The following IL7 variants were observed in gnomAD, a reference collection of about 807,000 sequenced individuals.
The protein encoded by IL7 is interleukin-7.
In IL7, 3 loss-of-function variants were observed where a neutral mutation model predicts 21.6. That is an observed-to-expected ratio of 0.14 (90% confidence interval 0.06 to 0.36). The LOEUF (loss-of-function observed/expected upper bound fraction) is 0.36. Among genes scored for constraint, IL7 ranks in the 10% least tolerant of loss-of-function variants. The pLI, the probability that IL7 is intolerant of heterozygous loss-of-function variation, is 1.00. For missense variants in IL7, 175 were observed against 200.2 expected, an observed-to-expected ratio of 0.87 and a Z score of 0.76; for synonymous variants, 62 against 68.1, an observed-to-expected ratio of 0.91 and a Z score of 0.44.
chr8:78,759,216 C>CTTT (rs3071074), intron 2 of IL7, among the ~76,000 whole-genome samples: 15,239 of 131,692 alleles, frequency 0.12, 881 homozygotes, highest in East Asian at 0.23. Context: ...CTGCTGGGTT[C>CTTT]TTTTTTTTTT....
chr8:78,734,191 A>G (rs938832239), intron 5 of IL7, among the ~76,000 whole-genome samples: 1 of 152,204 alleles, frequency 6.6e-6, no homozygotes, highest in Admixed American at 6.5e-5. Flanking sequence ...TAGTGGGAAG[A>G]ATAATCAACA....
intron 2 of IL7, among the ~76,000 whole-genome samples, chr8:78,769,310 T>A (rs1391905284): frequency 6.7e-6 from 1 of 149,566 alleles, no homozygotes; most frequent in Admixed American, 6.8e-5. Flanking sequence ...AAAATCTCCT[T>A]AAGCTGATAG....
intron 2 of IL7, among the ~76,000 whole-genome samples, chr8:78,781,529 G>C (rs117520109): frequency 0.044 from 6,708 of 152,222 alleles, 211 homozygotes; most frequent in Middle Eastern, 0.082. Flanking sequence ...TCTTTTAAGA[G>C]TGTTGAATAT....
intron 1 of IL7, among the ~76,000 whole-genome samples, chr8:78,799,038 G>A (rs1813962402): frequency 6.6e-6 from 1 of 152,112 alleles, no homozygotes; most frequent in African/African-American, 2.4e-5. Context: ...TGGAAAGCCA[G>A]TGGTTCCCAC....
chr8:78,697,445 A>G lies in IL7; in HGVS notation n.215-11498T>C, dbSNP rs1810461382. ...CACTTAAAAAGTCAAATTCTCCTGG[A>G]ACTGCATCATCAGGATCTTCACGAT... On this transcript the variant is annotated intron_variant and non_coding_transcript_variant, in intron 3 of 4. Coordinates refer to the IL7 transcript ENST00000523959. The G allele has an allele frequency of 6.2e-6, 10 of 1,609,606 alleles. No individual in the cohort carries two copies. In the East Asian group the frequency reaches 6.7e-5, roughly 11 times the overall value.
intron 2 of IL7, among the ~76,000 whole-genome samples, chr8:78,764,809 T>C (rs908946723): frequency 3.9e-5 from 6 of 152,100 alleles, no homozygotes; most frequent in African/African-American, 1.4e-4. Flanking sequence ...GGAAGTTATT[T>C]TGTAGAAATT....
chr8:78,785,501 A>T (rs1429006190), intron 2 of IL7, among the ~76,000 whole-genome samples: 1 of 152,090 alleles, frequency 6.6e-6, no homozygotes, highest in Non-Finnish European at 1.5e-5. Flanking sequence ...TTGGATTTCA[A>T]TGTATTTCCT....
intron 3 of IL7, among the ~76,000 whole-genome samples, chr8:78,687,530 ATATATTTATATAATAAATTT>A (rs1810033998): frequency 7.0e-6 from 1 of 142,754 alleles, no homozygotes; most frequent in African/African-American, 2.6e-5. Context: ...ATAATAAATT[ATATATTTATATAATAAATTT>A]TATATTTACA....
At chr8:78,728,646 A>C (rs1164232569), downstream of IL7, among the ~76,000 whole-genome samples, 1 of 152,030 alleles carries the variant, frequency 6.6e-6, no homozygotes, top group Non-Finnish European at 1.5e-5. Flanking sequence ...ACATAAAACT[A>C]TACAACTTCT....
At chr8:78,692,491 AGACAT>A (rs760735821) in intron 3 of IL7, among the ~76,000 whole-genome samples, 8 of 152,214 alleles carry the variant, frequency 5.3e-5, no homozygotes, top group Non-Finnish European at 8.8e-5. Flanking sequence ...GTTGAAAACT[AGACAT>A]GACATGGTAG....
At chr8:78,804,765 C>T (rs771532045) in intron 1 of IL7, 148 bp downstream of exon 1, 78 of 844,422 alleles carry the variant, frequency 9.2e-5, no homozygotes, top group Non-Finnish European at 1.2e-4. Context: ...TGTTGGCTGC[C>T]CATGGGAGAG....
At chr8:78,706,902 A>G in intron 3 of IL7, among the ~76,000 whole-genome samples, 1 of 152,188 alleles carries the variant, frequency 6.6e-6, no homozygotes, top group East Asian at 1.9e-4. Flanking sequence ...AACCAACAAT[A>G]TCTTTTGAGT....
chr8:78,710,011 A>G (rs1810904543), intron 3 of IL7, among the ~76,000 whole-genome samples: 1 of 152,178 alleles, frequency 6.6e-6, no homozygotes, highest in Admixed American at 6.5e-5. Context: ...TCGTAAGTGA[A>G]TTCACTCTCC....
chr8:78,770,613 C>T (rs1812915987), intron 2 of IL7, among the ~76,000 whole-genome samples: 1 of 152,052 alleles, frequency 6.6e-6, no homozygotes, highest in South Asian at 2.1e-4. Context: ...TAGCTCTCTG[C>T]TCTGTCTATG....
chr8:78,738,471 AT>A, intron 4 of IL7, 32 bp downstream of exon 4: 1 of 1,579,264 alleles, frequency 6.3e-7, no homozygotes, highest in Non-Finnish European at 8.7e-7. Flanking sequence ...AGTATTTAAT[AT>A]TTTTATTCAA....
chr8:78,693,280 A>G (rs77907872), intron 3 of IL7, among the ~76,000 whole-genome samples: 13,790 of 151,668 alleles, frequency 0.091, 808 homozygotes, highest in East Asian at 0.29. Flanking sequence ...TGGTATTTCT[A>G]GTTCTAGATC....
At chr8:78,776,245 G>T (rs1304919186) in intron 2 of IL7, among the ~76,000 whole-genome samples, 1 of 151,990 alleles carries the variant, frequency 6.6e-6, no homozygotes, top group Admixed American at 6.6e-5. Flanking sequence ...AATCTAAAAG[G>T]CTACTATGAG....
intron 5 of IL7, among the ~76,000 whole-genome samples, chr8:78,735,284 TTTTTTTTTG>T (rs1215390937): frequency 8.2e-6 from 1 of 122,216 alleles, no homozygotes; most frequent in African/African-American, 3.6e-5. Context: ...TTCTTTTTTT[TTTTTTTTTG>T]TTTTTTTTTT....
intron 3 of IL7, among the ~76,000 whole-genome samples, chr8:78,726,227 C>T (rs1013437408): frequency 5.3e-5 from 8 of 152,024 alleles, no homozygotes; most frequent in South Asian, 2.1e-4. Flanking sequence ...GTTTACTATA[C>T]TTGTTTCTTG....
Sources: allele counts gnomAD v4.1 joint callset (sites outside exome capture counted in the v4.1 genomes callset), GRCh38; gene constraint gnomAD v4.1.1; transcripts MANE v1.5; gene names NCBI Gene and HGNC (gene_info 2026-07-23, HGNC 2026-07-21).